PRKN: variants seen among roughly 807,000 people sequenced by gnomAD.
PRKN encodes parkin RBR E3 ubiquitin protein ligase.
A neutral mutation model predicts 59.5 loss-of-function variants in PRKN; 56 were observed. That is an observed-to-expected ratio of 0.94 (90% confidence interval 0.76 to 1.18). The LOEUF is 1.18. PRKN is among the 50% of genes most tolerant of loss of function. The probability of loss-of-function intolerance (pLI) is 0.00; values close to 1 mark genes in which losing one functional copy is unlikely to be tolerated. For missense variants in PRKN, 657 were observed against 596.4 expected (o/e 1.10, Z -1.06); for synonymous variants, 250 against 222.1 (o/e 1.13, Z -1.12).
At chr6:162,426,295 A>T (rs1178852467) in intron 2 of PRKN, among the ~76,000 whole-genome samples, 1 of 152,216 alleles carries the variant, frequency 6.6e-6, no homozygotes, top group Non-Finnish European at 1.5e-5. Flanking sequence ...TAGAAACTAT[A>T]TATATGTCAA....
intron 4 of PRKN, among the ~76,000 whole-genome samples, chr6:162,133,153 G>T (rs192782081): frequency 6.6e-5 from 10 of 152,318 alleles, no homozygotes; most frequent in African/African-American, 2.4e-4. Flanking sequence ...GTGAGAATCA[G>T]CTGAGAACAT....
chr6:161,926,495 T>C (rs1312402262), intron 6 of PRKN, among the ~76,000 whole-genome samples: 1 of 152,130 alleles, frequency 6.6e-6, no homozygotes, highest in Admixed American at 6.5e-5. Context: ...GATGAAGTAC[T>C]GAATAAATAT....
At chr6:162,726,780 A>G (rs568159326) in intron 1 of PRKN, among the ~76,000 whole-genome samples, 1 of 152,332 alleles carries the variant, frequency 6.6e-6, no homozygotes, top group South Asian at 2.1e-4. Flanking sequence ...CCCTCCATAC[A>G]TAACCTGGAG....
rs994149949 is a variant in PRKN, at chr6:161,483,166, T to C, written c.1083+65688A>G. Among the ~76,000 whole-genome samples, 2 of 120,310 alleles carry C rather than the reference T, an allele frequency of 1.7e-5. No individual in the cohort carries two copies. Among genetic ancestry groups the C allele is most frequent in the East Asian group, 4.8e-4 (2 of 4,132 alleles). The allele number at this position is 120,310 out of a possible 152,430, so 78.9% of individuals were successfully genotyped here. On this transcript the variant is annotated intron_variant, in intron 9 of 11. Transcript: ENST00000366898. The surrounding 1 kb of genome is among the most constrained non-coding windows in gnomAD (Gnocchi z 5.0). ...CTTTCCGGCTCGTGACAACTAACAA[T>C]TGTGTTTCAAAAAAAAAAAAAAAAA...
At chr6:162,151,734 G>T (rs1269816572) in intron 4 of PRKN, among the ~76,000 whole-genome samples, 8 of 152,112 alleles carry the variant, frequency 5.3e-5, no homozygotes, top group African/African-American at 1.2e-4. Flanking sequence ...TTAAGAAAAA[G>T]AAAGAGAGAC....
chr6:162,263,234 C>CGAGATCT, intron 2 of PRKN: 5 of 208,904 alleles, frequency 2.4e-5, no homozygotes, highest in Admixed American at 1.1e-4. Context: ...CGGGCACCAC[C>CGAGATCT]ACACCTGGCT....
At chr6:161,806,741 T>C (rs977431238) in intron 6 of PRKN, among the ~76,000 whole-genome samples, 1 of 152,226 alleles carries the variant, frequency 6.6e-6, no homozygotes, top group African/African-American at 2.4e-5. Context: ...TGAACATCCA[T>C]CTGGTATTTG....
chr6:162,332,380 CCT>C (rs757397963), intron 2 of PRKN, among the ~76,000 whole-genome samples: 1 of 152,164 alleles, frequency 6.6e-6, no homozygotes, highest in South Asian at 2.1e-4. Context: ...GGCCTGCGCC[CCT>C]CTCTCTCCTG....
intron 9 of PRKN, among the ~76,000 whole-genome samples, chr6:161,519,300 C>G (rs1271294740): frequency 6.6e-6 from 1 of 152,156 alleles, no homozygotes; most frequent in Non-Finnish European, 1.5e-5. Context: ...CATTTCCCTT[C>G]CTCATCTAGT....
chr6:161,897,447 TC>T (rs1475412464), intron 6 of PRKN, among the ~76,000 whole-genome samples: 19 of 152,312 alleles, frequency 1.2e-4, no homozygotes, highest in Admixed American at 7.2e-4. Flanking sequence ...AAGTATTATC[TC>T]TTTTTTAGGC....
chr6:161,733,797 T>TATATATATATATATATAA (rs58765166), intron 7 of PRKN, among the ~76,000 whole-genome samples: 1 of 82,006 alleles, frequency 1.2e-5, no homozygotes. Flanking sequence ...TATATATATA[T>TATATATATATATATATAA]GTATATATAT....
At chr6:161,626,514 A>G (rs1260414721) in intron 7 of PRKN, among the ~76,000 whole-genome samples, 2 of 152,216 alleles carry the variant, frequency 1.3e-5, no homozygotes, top group Non-Finnish European at 2.9e-5. Flanking sequence ...GTCCTAGGGC[A>G]CATGTGGTTG....
chr6:162,475,584 A>AGTGT (rs796186480), intron 1 of PRKN, among the ~76,000 whole-genome samples: 3 of 103,154 alleles, frequency 2.9e-5, no homozygotes, highest in South Asian at 2.8e-4. Context: ...TGTGTGCATG[A>AGTGT]GTGTGTGTGT....
At chr6:162,580,752 C>T (rs544413061) in intron 1 of PRKN, among the ~76,000 whole-genome samples, 48 of 152,140 alleles carry the variant, frequency 3.2e-4, no homozygotes, top group Non-Finnish European at 6.3e-4. Flanking sequence ...TATGTGGAAG[C>T]ACACAAACAG....
Position 161,547,536 on chromosome 6 carries a change from C to T in PRKN, c.1083+1318G>A, listed in dbSNP as rs1779840008. Among the ~76,000 whole-genome samples the T allele has an allele frequency of 6.6e-6, 1 of 152,232 alleles. No homozygotes were observed. Among genetic ancestry groups the T allele is most frequent in the African/African-American group, 2.4e-5 (1 of 41,466 alleles). Reference sequence around the variant, plus strand: ...TCTACCTCCTAAGAAAAGTTAAAATCTTAAAATCCAGCTTTAGAGGATGGA... The same window carrying T: ...TCTACCTCCTAAGAAAAGTTAAAATTTTAAAATCCAGCTTTAGAGGATGGA... On this transcript the variant is annotated intron_variant, in intron 9 of 11. Coordinates refer to ENST00000366898, the MANE Select transcript of PRKN (RefSeq NM_004562.3). The surrounding 1 kb of genome is among the most constrained non-coding windows in gnomAD (Gnocchi z 4.0).
In PRKN at chr6:161,529,165, G is replaced by C. The variant is rs1374657455; in HGVS notation, c.1083+19689C>G. On this transcript the variant is annotated intron_variant, in intron 9 of 11. Transcript: ENST00000366898. This position sits in a 1 kb window ranked among gnomAD's most constrained non-coding sequence, Gnocchi z 4.4. Reference sequence around the variant, plus strand: ...AGTCACCGCATGCCTTCCTGTTCCAGTGAAATTTAGGGTATTGAAAGGCAA... The same window carrying C: ...AGTCACCGCATGCCTTCCTGTTCCACTGAAATTTAGGGTATTGAAAGGCAA... 6.6e-6 allele frequency among the ~76,000 whole-genome samples: 1 copy of C among 152,182 alleles called. No homozygotes were observed. The highest frequency in any genetic ancestry group is 1.5e-5 in the Non-Finnish European group (1 of 68,036).
intron 1 of PRKN, among the ~76,000 whole-genome samples, chr6:162,557,149 C>CT (rs1439161106): frequency 1.3e-5 from 2 of 152,206 alleles, no homozygotes; most frequent in Non-Finnish European, 2.9e-5. Flanking sequence ...ATGTGAACAT[C>CT]TCCAATAAGG....
rs1437051020 is a variant in PRKN at position 161,400,284 on chromosome 6, G to C, written c.1084-13407C>G. Reference sequence around the variant, plus strand: ...TAGGATGAGGTGAGCTGGGGACATGGGGAAGATTAGAAAATTAAACCTAAT... The same window carrying C: ...TAGGATGAGGTGAGCTGGGGACATGCGGAAGATTAGAAAATTAAACCTAAT... On this transcript the variant is annotated intron_variant, in intron 9 of 11. Transcript: ENST00000366898. This position sits in a 1 kb window ranked among gnomAD's most constrained non-coding sequence, Gnocchi z 4.2. Among the ~76,000 whole-genome samples the C allele has an allele frequency of 6.6e-6, 1 of 152,078 alleles. No homozygotes were observed. Among genetic ancestry groups the C allele is most frequent in the Non-Finnish European group, 1.5e-5 (1 of 68,016 alleles).
chr6:161,491,617 G>A (rs1022873177), intron 9 of PRKN, among the ~76,000 whole-genome samples: 32 of 150,256 alleles, frequency 2.1e-4, no homozygotes, highest in African/African-American at 7.8e-4. Context: ...AACTTTGTAC[G>A]GGAAAGTGAC....
Sources: gnomAD v4.1 joint callset for allele counts (sites outside exome capture counted in the v4.1 genomes callset) on GRCh38, gnomAD v4.1.1 for gene constraint, Gnocchi (gnomAD v3.1) non-coding constraint, MANE v1.5 for transcripts, NCBI Gene and HGNC (gene_info 2026-07-23, HGNC 2026-07-21) for gene names.